Variants in SEMA5A observed in about 807,000 individuals in gnomAD.
The protein encoded by SEMA5A is semaphorin 5A, also known as semaphorin-5A.
In SEMA5A, 55 loss-of-function variants were observed where a neutral mutation model predicts 135.5. That is an observed-to-expected ratio of 0.41 (90% CI 0.33 to 0.51). The LOEUF (loss-of-function observed/expected upper bound fraction) is 0.51. Among genes scored for constraint, SEMA5A ranks in the 20% least tolerant of loss-of-function variants. The pLI is 0.37. For missense variants in SEMA5A, 1,290 were observed against 1,419.9 expected (o/e 0.91, Z 1.47); for synonymous variants, 580 against 546.5 (o/e 1.06, Z -0.85).
At chr5:9,295,163 G>A (rs940402218) in intron 5 of SEMA5A, among the ~76,000 whole-genome samples, 1 of 152,264 alleles carries the variant, frequency 6.6e-6, no homozygotes, top group Non-Finnish European at 1.5e-5. Context: ...CATGTTCAAA[G>A]TAGGGATTCC....
At chr5:9,347,716 G>A (rs1036447685) in intron 3 of SEMA5A, among the ~76,000 whole-genome samples, 1 of 152,204 alleles carries the variant, frequency 6.6e-6, no homozygotes, top group Non-Finnish European at 1.5e-5. Flanking sequence ...GGTGATCAAG[G>A]CTGCTGGGGC....
At chr5:9,495,156 T>C (rs570048260) in intron 1 of SEMA5A, among the ~76,000 whole-genome samples, 2 of 152,310 alleles carry the variant, frequency 1.3e-5, no homozygotes, top group East Asian at 3.9e-4. Context: ...AAAATCTGTG[T>C]TCCTTCTAAG....
chr5:9,305,962 C>G (rs560654052), intron 5 of SEMA5A, among the ~76,000 whole-genome samples: 1 of 152,256 alleles, frequency 6.6e-6, no homozygotes, highest in South Asian at 2.1e-4. Flanking sequence ...TGGGTTCTAA[C>G]TGCTTCTTCC....
At chr5:9,198,575 G>A (rs1745540484) in intron 9 of SEMA5A, among the ~76,000 whole-genome samples, 2 of 152,148 alleles carry the variant, frequency 1.3e-5, no homozygotes, top group Admixed American at 6.5e-5. Flanking sequence ...TGAGGGTATT[G>A]TGGGCCTTCT....
chr5:9,527,864 T>C (rs465667), intron 1 of SEMA5A, among the ~76,000 whole-genome samples: 122,848 of 152,150 alleles, frequency 0.81, 49,779 homozygotes, highest in Middle Eastern at 0.88. Context: ...AATCTGCTCA[T>C]CTAACCACTA....
At chr5:9,389,006 CA>C (rs2126521013) in intron 2 of SEMA5A, among the ~76,000 whole-genome samples, 1 of 152,302 alleles carries the variant, frequency 6.6e-6, no homozygotes, top group South Asian at 2.1e-4. Flanking sequence ...AATGCTACCA[CA>C]GTGGGAAGAA....
intron 4 of SEMA5A, among the ~76,000 whole-genome samples, chr5:9,326,863 A>G (rs539018928): frequency 1.2e-4 from 18 of 152,330 alleles, no homozygotes; most frequent in African/African-American, 3.8e-4. Context: ...AAGTGTAAAT[A>G]TTTAATATCG....
chr5:9,044,941 T>C (rs948694780), intron 21 of SEMA5A, among the ~76,000 whole-genome samples: 2 of 152,062 alleles, frequency 1.3e-5, no homozygotes, highest in African/African-American at 4.8e-5. Flanking sequence ...TGTGCCACCA[T>C]GCCTGGCTAA....
At chr5:9,537,745 T>A (rs891060069) in intron 1 of SEMA5A, among the ~76,000 whole-genome samples, 8 of 152,194 alleles carry the variant, frequency 5.3e-5, no homozygotes, top group African/African-American at 1.9e-4. Context: ...GCTGTTGATC[T>A]CCATTTTTGT....
intron 13 of SEMA5A, among the ~76,000 whole-genome samples, chr5:9,130,100 A>G (rs1255479820): frequency 6.6e-6 from 1 of 152,160 alleles, no homozygotes; most frequent in Non-Finnish European, 1.5e-5. Context: ...AGGAAGATTC[A>G]ATTTTGTTAC....
chr5:9,128,713 T>A (rs902584132), intron 13 of SEMA5A, among the ~76,000 whole-genome samples: 1 of 152,226 alleles, frequency 6.6e-6, no homozygotes, highest in African/African-American at 2.4e-5. Flanking sequence ...CTAAGATTCA[T>A]ATGAATTTGA....
At chr5:9,425,565 G>A (rs1408402280) in intron 2 of SEMA5A, among the ~76,000 whole-genome samples, 1 of 152,188 alleles carries the variant, frequency 6.6e-6, no homozygotes, top group Non-Finnish European at 1.5e-5. Flanking sequence ...AGATGTTTCA[G>A]GGACACCATT....
intron 2 of SEMA5A, among the ~76,000 whole-genome samples, chr5:9,431,104 C>G (rs1422931802): frequency 6.6e-6 from 1 of 152,150 alleles, no homozygotes; most frequent in African/African-American, 2.4e-5. Context: ...TCAGTGTCCA[C>G]TAGCTGGAAT....
chr5:9,192,423 G>A (rs1286796070), intron 10 of SEMA5A, among the ~76,000 whole-genome samples: 1 of 152,242 alleles, frequency 6.6e-6, no homozygotes, highest in Non-Finnish European at 1.5e-5. Context: ...TGGCACTAAA[G>A]AGAAGCCATT....
intron 13 of SEMA5A, 91 bp from the exon 14 acceptor site, chr5:9,122,928 A>C: frequency 8.6e-7 from 1 of 1,162,740 alleles, no homozygotes; most frequent in Non-Finnish European, 1.2e-6. Context: ...AAGACAATCA[A>C]AACTCCTCTA....
chr5:9,294,971 A>T (rs969907043), intron 5 of SEMA5A, among the ~76,000 whole-genome samples: 3 of 152,122 alleles, frequency 2.0e-5, no homozygotes, highest in Admixed American at 6.6e-5. Flanking sequence ...CTAGCGCCAA[A>T]GCACAACTTC....
intron 8 of SEMA5A, among the ~76,000 whole-genome samples, chr5:9,222,241 T>G (rs1380063728): frequency 6.6e-6 from 1 of 152,086 alleles, no homozygotes; most frequent in African/African-American, 2.4e-5. Flanking sequence ...AAGCAGAACC[T>G]AGTGTGGTTA....
chr5:9,340,556 GT>G (rs1362601035), intron 3 of SEMA5A, among the ~76,000 whole-genome samples: 1 of 152,228 alleles, frequency 6.6e-6, no homozygotes, highest in African/African-American at 2.4e-5. Context: ...CGGGAAGGCA[GT>G]TTTGCTACTT....
rs1755798328 is a variant in SEMA5A, at chr5:9,384,661, TATAGATAGATAGATATAG to T, written c.-77-4656_-77-4639del. On this transcript the variant is annotated intron_variant, in intron 2 of 22. Transcript: ENST00000382496. ...ATAGATAGATAGATAGATAGATAGA[TATAGATAGATAGATATAG>T]ATAGATAGATAGATAGATAGATAGA... Among the ~76,000 whole-genome samples the T allele has an allele frequency of 2.1e-4, 14 of 66,476 alleles. 2 individuals carry two copies. The highest frequency in any genetic ancestry group is 5.7e-4 in the African/African-American group (10 of 17,452). 43.6% of individuals were successfully genotyped at this position (66,476 alleles called of 152,430 possible). A position where few individuals can be genotyped will look rare whatever the true frequency, so the allele number is the denominator to read the frequency against.
Sources: allele counts gnomAD v4.1 joint callset (sites outside exome capture counted in the v4.1 genomes callset), GRCh38; gene constraint gnomAD v4.1.1; transcripts MANE v1.5; gene names NCBI Gene and HGNC (gene_info 2026-07-23, HGNC 2026-07-21).